The following ZNF43 variants were observed in gnomAD, a reference collection of about 807,000 sequenced individuals.
ZNF43 encodes the protein zinc finger protein 39-like 1 (KOX 27).
In ZNF43, 44 loss-of-function variants were observed where a neutral mutation model predicts 68.4. The ratio of observed to expected loss-of-function variants is 0.64; its 90% CI spans 0.51 to 0.83. The LOEUF is 0.83. Among genes scored for constraint, ZNF43 ranks in the 40% least tolerant of loss-of-function variants. The pLI, the probability that ZNF43 is intolerant of heterozygous loss-of-function variation, is 0.00. For synonymous variants in ZNF43, 308 were observed against 307.8 expected (o/e 1.00, Z -0.01); for missense variants, 896 against 933.2 (o/e 0.96, Z 0.52).
intron 1 of ZNF43, among the ~76,000 whole-genome samples, chr19:21,830,847 TTCTCAA>T (rs2038392456): frequency 6.6e-6 from 1 of 151,822 alleles, no homozygotes. Context: ...GATGGAAAAA[TTCTCAA>T]CAAAATACTG....
intron 1 of ZNF43, chr19:21,826,433 A>C (rs2038124081): frequency 6.6e-6 from 1 of 152,212 alleles, no homozygotes. Context: ...GAGCAGCATG[A>C]CAGTAAATCT....
At chr19:21,851,328 G>C (rs961638743) in intron 1 of ZNF43, 1 of 151,996 alleles carries the variant, frequency 6.6e-6, no homozygotes, top group African/African-American at 2.4e-5. Context: ...TGGAGTTCGA[G>C]ATCAGCCTGG....
chr19:21,833,289 C>CA (rs1362898730), intron 1 of ZNF43, among the ~76,000 whole-genome samples: 1 of 151,812 alleles, frequency 6.6e-6, no homozygotes, highest in African/African-American at 2.4e-5. Context: ...ATTTTTTAAA[C>CA]AGAGTTTCCC....
upstream of ZNF43, among the ~76,000 whole-genome samples, chr19:21,839,216 A>C (rs1967328991): frequency 6.6e-6 from 1 of 152,008 alleles, no homozygotes; most frequent in Non-Finnish European, 1.5e-5. Flanking sequence ...AGTGATGAAG[A>C]AAAAAGAATA....
chr19:21,819,925 A>C (rs1399634655), intron 1 of ZNF43, among the ~76,000 whole-genome samples: 2 of 152,086 alleles, frequency 1.3e-5, no homozygotes, highest in Admixed American at 6.6e-5. Flanking sequence ...ATGGCCGGGC[A>C]TGGTGGCTCA....
At chr19:21,811,852 TTAAA>T (rs1019630346) in intron 3 of ZNF43, among the ~76,000 whole-genome samples, 1 of 152,092 alleles carries the variant, frequency 6.6e-6, no homozygotes, top group Non-Finnish European at 1.5e-5. Context: ...TACAAATATT[TTAAA>T]TAAAACACAT....
At chr19:21,851,788 G>T in intron 1 of ZNF43, 4 of 1,148,536 alleles carry the variant, frequency 3.5e-6, no homozygotes, top group Non-Finnish European at 3.6e-6. Context: ...CGGCCAGAGG[G>T]GCCTGGGGCG....
At chr19:21,852,005 C>A (rs1489559765) in exon 1 of ZNF43, 4 of 1,495,338 alleles carry the variant, frequency 2.7e-6, no homozygotes, top group Non-Finnish European at 3.6e-6. Context: ...ACCGGGGATT[C>A]CCGAGTTGGA....
intron 1 of ZNF43, among the ~76,000 whole-genome samples, chr19:21,822,996 G>A (rs757110772): frequency 6.6e-6 from 1 of 151,992 alleles, no homozygotes; most frequent in Non-Finnish European, 1.5e-5. Flanking sequence ...GGTTTTCTAG[G>A]AGAATTTATT....
At chr19:21,836,713 T>A (rs1212670249), upstream of ZNF43, among the ~76,000 whole-genome samples, 1 of 152,170 alleles carries the variant, frequency 6.6e-6, no homozygotes, top group East Asian at 1.9e-4. Flanking sequence ...GCCTTCTGAG[T>A]AGCTGGGACC....
chr19:21,834,510 G>T (rs912835422), intron 1 of ZNF43, among the ~76,000 whole-genome samples: 1 of 151,890 alleles, frequency 6.6e-6, no homozygotes, highest in African/African-American at 2.4e-5. Context: ...TGTAATCCTT[G>T]CACTTTGGGA....
chr19:21,829,377 AT>A (rs1341406773), intron 1 of ZNF43, among the ~76,000 whole-genome samples: 1 of 152,222 alleles, frequency 6.6e-6, no homozygotes, highest in Non-Finnish European at 1.5e-5. Flanking sequence ...TGTCAAAGAA[AT>A]TTATTCAGTA....
chr19:21,826,023 T>C (rs970749904), intron 1 of ZNF43, among the ~76,000 whole-genome samples: 1 of 152,196 alleles, frequency 6.6e-6, no homozygotes, highest in East Asian at 1.9e-4. Flanking sequence ...CACTCCAGCC[T>C]GGGCAACAGA....
At chr19:21,840,888 G>C (rs555607885), upstream of ZNF43, 54 of 152,196 alleles carry the variant, frequency 3.5e-4, no homozygotes, top group Non-Finnish European at 2.9e-5. Flanking sequence ...GCTGGGTCTA[G>C]AGAAAAGAGT....
chr19:21,810,402 C>T (rs1477186089), intron 3 of ZNF43, among the ~76,000 whole-genome samples: 1 of 152,112 alleles, frequency 6.6e-6, no homozygotes, highest in South Asian at 2.1e-4. Flanking sequence ...TTTCTTATTA[C>T]CAAGACTATG....
chr19:21,820,896 C>T (rs1458804186), intron 1 of ZNF43, among the ~76,000 whole-genome samples: 1 of 140,888 alleles, frequency 7.1e-6, no homozygotes, highest in African/African-American at 2.7e-5. Context: ...TGCAATGGTG[C>T]GATCTCGGCT....
chr19:21,851,812 G>T (rs138169704), intron 1 of ZNF43: 25 of 1,375,354 alleles, frequency 1.8e-5, no homozygotes, highest in Non-Finnish European at 2.4e-5. Flanking sequence ...CTGCGCCAGC[G>T]ACCAGGACTC....
intron 1 of ZNF43, among the ~76,000 whole-genome samples, chr19:21,851,539 CAAAAAA>C (rs759516277): frequency 6.2e-5 from 4 of 64,848 alleles, no homozygotes; most frequent in African/African-American, 1.4e-4. Flanking sequence ...GATTCCCTCT[CAAAAAA>C]AAAAAAAAAA....
chr19:21,841,720 G>C (rs1967546107), intron 1 of ZNF43: 1 of 152,200 alleles, frequency 6.6e-6, no homozygotes. Flanking sequence ...TAAAGAGAGT[G>C]ATATCACCTA....
Sources: gnomAD v4.1 joint callset for allele counts (sites outside exome capture counted in the v4.1 genomes callset) on GRCh38, gnomAD v4.1.1 for gene constraint, MANE v1.5 for transcripts, NCBI Gene and HGNC (gene_info 2026-07-23, HGNC 2026-07-21) for gene names.